The following KCNA6 variants were observed in gnomAD, a reference collection of about 807,000 sequenced individuals.
KCNA6 encodes human brain potassium channel-2.
Under a neutral mutation model 29.5 loss-of-function variants are expected in KCNA6, and 17 were observed. The observed-to-expected ratio is 0.58, with a 90% confidence interval of 0.39 to 0.86. KCNA6 has a LOEUF of 0.86. KCNA6 is among the 40% of genes least tolerant of loss of function. KCNA6 has a pLI of 0.00. For missense variants in KCNA6, 450 were observed against 703.4 expected, an observed-to-expected ratio of 0.64 and a Z score of 4.07; for synonymous variants, 296 against 304.7, an observed-to-expected ratio of 0.97 and a Z score of 0.30.
the KCNA6 span, among the ~76,000 whole-genome samples, chr12:4,840,960 C>T: frequency 6.6e-6 from 1 of 152,288 alleles, no homozygotes; most frequent in South Asian, 2.1e-4. Flanking sequence ...AGGAAGACAA[C>T]CTGATAGTCT....
At chr12:4,823,686 G>C in the KCNA6 span, among the ~76,000 whole-genome samples, 2 of 152,204 alleles carry the variant, frequency 1.3e-5, no homozygotes, top group African/African-American at 4.8e-5. Context: ...TGAATTGCTT[G>C]CACCAGGGAG....
the KCNA6 span, among the ~76,000 whole-genome samples, chr12:4,846,710 C>T: frequency 6.6e-6 from 1 of 151,690 alleles, no homozygotes; most frequent in Non-Finnish European, 1.5e-5. Context: ...GCCACTCTGT[C>T]CCACTGCTCC....
rs576950816 is a variant in KCNA6, at chr12:4,810,824, C to T, written c.783C>T (p.Asp261=). ...CTCTTGGGGGCTCCTTCTTTACAGACCCCTTCTTTCTGGTGGAGACGCTGT... is the reference window on the plus strand; with the variant it reads ...CTCTTGGGGGCTCCTTCTTTACAGATCCCTTCTTTCTGGTGGAGACGCTGT... The change falls in exon 1 of 1, where the codon GAC becomes GAT. Residue 261 remains aspartate (D), a synonymous_variant. Coordinates refer to ENST00000280684, the Ensembl canonical transcript of KCNA6. The surrounding 1 kb of genome is among the most constrained non-coding windows in gnomAD (Gnocchi z 7.5). 1 of 1,595,420 alleles carries T rather than the reference C, an allele frequency of 6.3e-7. No individual in the cohort carries two copies. The highest frequency in any genetic ancestry group is 1.7e-5 in the Admixed American group (1 of 58,776).
At chr12:4,840,211 C>CTA in the KCNA6 span, among the ~76,000 whole-genome samples, 97 of 24,006 alleles carry the variant, frequency 4.0e-3, no homozygotes, top group Middle Eastern at 0.036. Context: ...ATCTATCTAT[C>CTA]TATCTATCTA....
chr12:4,834,007 T>C, the KCNA6 span, among the ~76,000 whole-genome samples: 1 of 151,760 alleles, frequency 6.6e-6, no homozygotes, highest in South Asian at 2.1e-4. Context: ...TGACTCTCTG[T>C]AGCCTTGATG....
chr12:4,845,161 T>G, the KCNA6 span, among the ~76,000 whole-genome samples: 1 of 152,226 alleles, frequency 6.6e-6, no homozygotes, highest in African/African-American at 2.4e-5. Context: ...TCCTGGGCTA[T>G]ATGTTGCTTC....
chr12:4,811,948 T>TA lies in KCNA6; in HGVS notation c.*318dup, dbSNP rs1946636540. On this transcript the variant is annotated 3_prime_UTR_variant, in exon 1 of 1. Coordinates refer to ENST00000280684, the Ensembl canonical transcript of KCNA6. The surrounding 1 kb of genome is among the most constrained non-coding windows in gnomAD (Gnocchi z 7.1). ...AGACTGATTTTTCATGTCTGGGACT[T>TA]ACAATATCTCAAGGAACAGCAATGT... is the stretch of plus-strand genomic sequence containing the variant. 2 of 314,234 alleles carry TA rather than the reference T, an allele frequency of 6.4e-6. No homozygotes were observed. The highest frequency in any genetic ancestry group is 1.3e-4 in the South Asian group (2 of 15,332). 19.5% of individuals were successfully genotyped at this position (314,234 alleles called of 1,614,324 possible).
At chr12:4,815,906 A>G (rs1365418260), downstream of KCNA6, among the ~76,000 whole-genome samples, 2 of 152,210 alleles carry the variant, frequency 1.3e-5, no homozygotes, top group East Asian at 3.9e-4. Flanking sequence ...AGGGGCCCCC[A>G]TGGGGTTGAA....
chr12:4,840,194 A>T, the KCNA6 span, among the ~76,000 whole-genome samples: 1 of 38,388 alleles, frequency 2.6e-5, no homozygotes. Context: ...GATGATGATT[A>T]TTATCTATCT....
chr12:4,816,294 G>GTGTGTC (rs1946682266), downstream of KCNA6, among the ~76,000 whole-genome samples: 1 of 140,398 alleles, frequency 7.1e-6, no homozygotes, highest in Admixed American at 7.1e-5. Context: ...GTGTGTGTGT[G>GTGTGTC]TGTCTGTGTG....
chr12:4,846,230 T>G, the KCNA6 span, among the ~76,000 whole-genome samples: 1 of 152,172 alleles, frequency 6.6e-6, no homozygotes, highest in Non-Finnish European at 1.5e-5. Flanking sequence ...GGATTTTGGA[T>G]TTTGGGATTA....
chr12:4,828,858 C>T, the KCNA6 span, among the ~76,000 whole-genome samples: 7 of 152,180 alleles, frequency 4.6e-5, no homozygotes, highest in Non-Finnish European at 4.4e-5. Context: ...GTCCTGTTAC[C>T]TGGGAACATC....
At chr12:4,831,399 A>G in the KCNA6 span, among the ~76,000 whole-genome samples, 2 of 152,198 alleles carry the variant, frequency 1.3e-5, no homozygotes, top group Non-Finnish European at 2.9e-5. Flanking sequence ...CGTCCTGCTG[A>G]CAGTGGATTG....
At position 4,811,068 on chromosome 12, in the gene KCNA6, G is replaced by A; in HGVS notation, c.1027G>A (p.Val343Ile). ...GGCCATGTCCCTGGCCATCCTCCGA[G>A]TCATCCGCCTGGTCCGGGTGTTCCG... Residue 343 changes from valine (V) to isoleucine (I), a missense_variant, in exon 1 of 1, where the codon GTC becomes ATC. This residue lies in a region of KCNA6 where 12 missense variants were observed against 64.4 expected (regional missense o/e 0.19). Coordinates refer to ENST00000280684, the Ensembl canonical transcript of KCNA6. The surrounding 1 kb of genome is among the most constrained non-coding windows in gnomAD (Gnocchi z 7.1). 2 of 1,614,054 alleles carry A rather than the reference G, an allele frequency of 1.2e-6. No homozygotes were observed. Among genetic ancestry groups the A allele is most frequent in the Non-Finnish European group, 1.7e-6 (2 of 1,180,010 alleles).
exon 1 of KCNA6, chr12:4,812,656 G>A (rs1946643185): frequency 6.0e-6 from 1 of 167,090 alleles, no homozygotes; most frequent in South Asian, 2.1e-4. Context: ...TAGGATTGCT[G>A]TTGAAGGCTT....
At chr12:4,845,491 G>A in the KCNA6 span, among the ~76,000 whole-genome samples, 3 of 152,132 alleles carry the variant, frequency 2.0e-5, no homozygotes, top group East Asian at 1.9e-4. Flanking sequence ...GTCACGTTAC[G>A]TGCATTGTTG....
In KCNA6 at chr12:4,811,340, G is replaced by A. The variant is rs776927383; in HGVS notation, c.1299G>A (p.Val433=). ...ACGGGGACATGTACCCCATGACTGTGGGGGGAAAGATCGTGGGCTCGCTGT... is the reference window on the plus strand; with the variant it reads ...ACGGGGACATGTACCCCATGACTGTAGGGGGAAAGATCGTGGGCTCGCTGT... The change falls in exon 1 of 1, where the codon GTG becomes GTA. Residue 433 remains valine, a synonymous_variant. Coordinates refer to ENST00000280684, the Ensembl canonical transcript of KCNA6. The surrounding 1 kb of genome is among the most constrained non-coding windows in gnomAD (Gnocchi z 7.1). The A allele has an allele frequency of 3.1e-6, 5 of 1,613,830 alleles. No homozygotes were observed. The South Asian group carries it at 3.3e-5, about 11-fold the overall frequency.
exon 1 of KCNA6, chr12:4,809,672 C>G (rs1273738840): frequency 1.5e-5 from 3 of 204,456 alleles, no homozygotes; most frequent in African/African-American, 6.9e-5. Context: ...GGCTGGAGGG[C>G]GGACCTCTGC....
At chr12:4,817,230 C>T (rs747270333), downstream of KCNA6, among the ~76,000 whole-genome samples, 1 of 152,170 alleles carries the variant, frequency 6.6e-6, no homozygotes, top group East Asian at 1.9e-4. Flanking sequence ...CTCTCCATCC[C>T]GCTTCATATT....
Sources: gnomAD v4.1 joint callset for allele counts (sites outside exome capture counted in the v4.1 genomes callset) on GRCh38, gnomAD v4.1.1 for gene constraint, gnomAD v4.1.1 regional missense constraint, Gnocchi (gnomAD v3.1) non-coding constraint, MANE v1.5 for transcripts, NCBI Gene and HGNC (gene_info 2026-07-23, HGNC 2026-07-21) for gene names.